The following SUGCT variants were observed in gnomAD, a reference collection of about 807,000 sequenced individuals.
The protein encoded by SUGCT is succinyl-CoA:glutarate-CoA transferase, also known as succinyl-CoA:glutarate CoA-transferase.
SUGCT carries 41 observed loss-of-function variants against 55.0 expected under a neutral mutation model. The observed-to-expected ratio is 0.74, with a 90% confidence interval of 0.58 to 0.97. SUGCT has a LOEUF of 0.97. SUGCT is among the 50% of genes least tolerant of loss of function. SUGCT has a pLI of 0.00. For missense variants in SUGCT, 568 were observed against 547.8 expected (o/e 1.04, Z -0.37); for synonymous variants, 187 against 200.4 (o/e 0.93, Z 0.56).
At chr7:40,732,944 G>A (rs1016865337) in intron 12 of SUGCT, among the ~76,000 whole-genome samples, 6 of 150,654 alleles carry the variant, frequency 4.0e-5, no homozygotes, top group Non-Finnish European at 7.4e-5. Context: ...ACATAGTGGC[G>A]CATGTCTGTA....
At chr7:40,195,377 C>A (rs1195095080) in intron 6 of SUGCT, among the ~76,000 whole-genome samples, 1 of 151,790 alleles carries the variant, frequency 6.6e-6, no homozygotes, top group African/African-American at 2.4e-5. Flanking sequence ...CACGCGCCAC[C>A]ACGCCCAGCT....
downstream of SUGCT, among the ~76,000 whole-genome samples, chr7:40,860,992 C>T (rs1051238867): frequency 6.6e-6 from 1 of 152,174 alleles, no homozygotes; most frequent in African/African-American, 2.4e-5. Context: ...ATTCTGAGCT[C>T]TTGAACCCTT....
chr7:40,622,298 C>T (rs1048618799), intron 12 of SUGCT, among the ~76,000 whole-genome samples: 2 of 152,272 alleles, frequency 1.3e-5, no homozygotes, highest in African/African-American at 4.8e-5. Context: ...TGGGCTTTGA[C>T]TTAACGGTGA....
intron 13 of SUGCT, among the ~76,000 whole-genome samples, chr7:40,781,688 A>G (rs185264819): frequency 6.6e-6 from 1 of 152,312 alleles, no homozygotes; most frequent in African/African-American, 2.4e-5. Context: ...GTCACACTCA[A>G]AAGGGGTAAC....
intron 8 of SUGCT, among the ~76,000 whole-genome samples, chr7:40,308,568 G>A (rs1371208498): frequency 6.6e-6 from 1 of 152,064 alleles, no homozygotes; most frequent in Non-Finnish European, 1.5e-5. Context: ...ATATGATATG[G>A]CCCTTTTACA....
chr7:40,446,471 G>A (rs1040622896), intron 9 of SUGCT, among the ~76,000 whole-genome samples: 1 of 152,110 alleles, frequency 6.6e-6, no homozygotes, highest in Non-Finnish European at 1.5e-5. Flanking sequence ...TCTTTCTGTA[G>A]TTGAGAAACA....
chr7:40,520,432 A>C, intron 12 of SUGCT, among the ~76,000 whole-genome samples: 1 of 152,234 alleles, frequency 6.6e-6, no homozygotes, highest in Admixed American at 6.5e-5. Flanking sequence ...TGGTTTATGA[A>C]GTGGTGCAAA....
chr7:40,953,297 C>G, the SUGCT span, among the ~76,000 whole-genome samples: 1 of 152,222 alleles, frequency 6.6e-6, no homozygotes, highest in South Asian at 2.1e-4. Context: ...TGGTTTTCAG[C>G]TCCATCAGGT....
At chr7:40,326,237 A>T (rs902333041) in intron 9 of SUGCT, among the ~76,000 whole-genome samples, 1 of 152,280 alleles carries the variant, frequency 6.6e-6, no homozygotes, top group South Asian at 2.1e-4. Flanking sequence ...TAGCAGGGAA[A>T]GTTGGGAGAA....
chr7:40,953,842 T>C, the SUGCT span, among the ~76,000 whole-genome samples: 1 of 152,226 alleles, frequency 6.6e-6, no homozygotes, highest in South Asian at 2.1e-4. Context: ...CCCGGCCACG[T>C]GAAGTATCAG....
chr7:40,331,947 A>G (rs1376400896), intron 9 of SUGCT, among the ~76,000 whole-genome samples: 1 of 152,206 alleles, frequency 6.6e-6, no homozygotes, highest in African/African-American at 2.4e-5. Context: ...TAAACTGCAA[A>G]TGGCATAGTC....
At chr7:40,515,913 C>T (rs376795593) in intron 12 of SUGCT, among the ~76,000 whole-genome samples, 2 of 152,318 alleles carry the variant, frequency 1.3e-5, no homozygotes, top group East Asian at 1.9e-4. Context: ...AACGTGGCTG[C>T]GCCATTTTCC....
the SUGCT span, among the ~76,000 whole-genome samples, chr7:40,962,287 A>C: frequency 6.6e-6 from 1 of 151,892 alleles, no homozygotes; most frequent in Non-Finnish European, 1.5e-5. Flanking sequence ...CTAGACAGAA[A>C]AGTTCTCCAA....
At chr7:40,761,420 G>A (rs1584399689) in intron 13 of SUGCT, among the ~76,000 whole-genome samples, 1 of 152,226 alleles carries the variant, frequency 6.6e-6, no homozygotes, top group East Asian at 1.9e-4. Flanking sequence ...GGAAATTAGA[G>A]AGGGGCCCAT....
At chr7:40,682,400 T>C (rs1784292230) in intron 12 of SUGCT, among the ~76,000 whole-genome samples, 1 of 152,240 alleles carries the variant, frequency 6.6e-6, no homozygotes, top group South Asian at 2.1e-4. Context: ...GGAATCTTGA[T>C]TTATAGCCAG....
chr7:40,362,927 G>A (rs1006401289), intron 9 of SUGCT, among the ~76,000 whole-genome samples: 1 of 151,992 alleles, frequency 6.6e-6, no homozygotes, highest in Admixed American at 6.6e-5. Context: ...AAATCAGAAG[G>A]AAAAATGCAA....
intron 6 of SUGCT, among the ~76,000 whole-genome samples, 157 bp from the exon 7 acceptor site, chr7:40,237,478 A>T (rs536810236): frequency 1.3e-5 from 2 of 152,158 alleles, no homozygotes; most frequent in Admixed American, 6.5e-5. Flanking sequence ...CGAGCACTAT[A>T]ATGAATTCTT....
intron 12 of SUGCT, among the ~76,000 whole-genome samples, chr7:40,534,380 G>A (rs1794246169): frequency 6.6e-6 from 1 of 151,940 alleles, no homozygotes; most frequent in African/African-American, 2.4e-5. Context: ...CAAATAATTA[G>A]TTCTTAATTT....
chr7:40,793,983 A>T (rs1191307091), intron 13 of SUGCT, among the ~76,000 whole-genome samples: 1 of 151,744 alleles, frequency 6.6e-6, no homozygotes, highest in African/African-American at 2.4e-5. Flanking sequence ...CTTATTTCTA[A>T]AAGTTATGTT....
Sources: gnomAD v4.1 joint callset for allele counts (sites outside exome capture counted in the v4.1 genomes callset) on GRCh38, gnomAD v4.1.1 for gene constraint, MANE v1.5 for transcripts, NCBI Gene and HGNC (gene_info 2026-07-23, HGNC 2026-07-21) for gene names.